Variants in ASB5 observed in about 807,000 individuals in gnomAD.
The protein encoded by ASB5 is ankyrin repeat and SOCS box containing 5.
In ASB5, 45 loss-of-function variants were observed where a neutral mutation model predicts 42.1. The observed-to-expected ratio is 1.07, with a 90% CI of 0.84 to 1.37. The LOEUF (loss-of-function observed/expected upper bound fraction) is 1.37, where lower values mean the gene tolerates loss of function less well. ASB5 is among the 40% of genes most tolerant of loss of function. The pLI is 0.00. For synonymous variants in ASB5, 147 were observed against 150.6 expected, an observed-to-expected ratio of 0.98 and a Z score of 0.18; for missense variants, 402 against 399.8, an observed-to-expected ratio of 1.01 and a Z score of -0.05.
intron 1 of ASB5, among the ~76,000 whole-genome samples, chr4:176,254,526 A>C (rs1208252152): frequency 8.3e-6 from 1 of 121,180 alleles, no homozygotes; most frequent in Non-Finnish European, 1.9e-5. Flanking sequence ...CTAAGCCCTC[A>C]AAAGCAATTG....
upstream of ASB5, among the ~76,000 whole-genome samples, chr4:176,270,459 T>C (rs1754447747): frequency 6.6e-6 from 1 of 152,000 alleles, no homozygotes; most frequent in Non-Finnish European, 1.5e-5. Flanking sequence ...ACAGGAGAAA[T>C]GGCTGTAAAA....
intron 1 of ASB5, among the ~76,000 whole-genome samples, chr4:176,245,061 G>C (rs1488943219): frequency 1.3e-5 from 2 of 152,142 alleles, no homozygotes; most frequent in Non-Finnish European, 2.9e-5. Flanking sequence ...GGAGTTCCCA[G>C]ATAAACTTAA....
At chr4:176,222,456 G>A (rs1400209641) in intron 2 of ASB5, 36 bp from the exon 3 acceptor site, 2 of 1,515,984 alleles carry the variant, frequency 1.3e-6, no homozygotes, top group African/African-American at 1.4e-5. Context: ...TGAGCAAAGA[G>A]TTATATACTT....
chr4:176,236,064 A>G (rs1753677129), intron 1 of ASB5, among the ~76,000 whole-genome samples: 1 of 152,166 alleles, frequency 6.6e-6, no homozygotes, highest in East Asian at 1.9e-4. Context: ...TGTATAGAAA[A>G]TTAGATTTTT....
chr4:176,269,049 T>C lies in ASB5; in HGVS notation c.60A>G (p.Thr20=). 6.2e-7 allele frequency: 1 copy of C among 1,613,384 alleles called. No homozygotes were observed. The highest frequency in any genetic ancestry group is 8.5e-7 in the Non-Finnish European group (1 of 1,179,602). ...GCTTAAAACAGAACAGCGAAAGTAT[T>C]GTAAAGTAGACATTGGATAATTGTT... ...FAQQLSNVYF[T]ILSLFCFKLF... The change falls in exon 1 of 7, where the codon ACA becomes ACG. Residue 20 remains threonine (T), a synonymous_variant. Transcript: ENST00000296525.
At chr4:176,254,586 G>A (rs1754111313) in intron 1 of ASB5, among the ~76,000 whole-genome samples, 1 of 149,608 alleles carries the variant, frequency 6.7e-6, no homozygotes, top group Non-Finnish European at 1.5e-5. Context: ...TTGCACAGCA[G>A]AAGAAACTAT....
rs147176270 is a variant in ASB5, at chr4:176,216,884, G to A, written c.796C>T (p.Leu266Phe). 828 of 1,613,970 alleles carry A rather than the reference G, an allele frequency of 5.1e-4. 11 individuals carry two copies. The South Asian group carries it at 8.0e-3, about 16-fold the overall frequency. Residue 266 changes from leucine (L) to phenylalanine (F), a missense_variant, in exon 6 of 7, where the codon CTT (leucine) becomes TTT (phenylalanine). Transcript: ENST00000296525. ...GTAGCTACATCTATAGGTCGCAGAA[G>A]CTCTGTATTTTTGGCATTGATATCT... ...GADINAKNTE[L>F]LRPIDVATSS...
intron 1 of ASB5, among the ~76,000 whole-genome samples, chr4:176,239,619 T>C (rs1319455296): frequency 2.0e-5 from 3 of 152,232 alleles, no homozygotes; most frequent in Non-Finnish European, 2.9e-5. Flanking sequence ...GTCTAAGTAC[T>C]GGACCTCTTA....
intron 1 of ASB5, among the ~76,000 whole-genome samples, chr4:176,266,718 T>C (rs1224301556): frequency 6.6e-6 from 1 of 152,118 alleles, no homozygotes; most frequent in African/African-American, 2.4e-5. Context: ...AGAGGGGAAA[T>C]TTTTGTTAAA....
At chr4:176,274,927 T>C (rs2126983567) in intron 2 of ASB5, among the ~76,000 whole-genome samples, 1 of 147,672 alleles carries the variant, frequency 6.8e-6, no homozygotes, top group Non-Finnish European at 1.5e-5. Context: ...TTTTTTTTTT[T>C]TTTTTGAGAT....
In ASB5 at chr4:176,268,997, G is replaced by T; in HGVS notation, c.112C>A (p.Leu38Ile). Reference sequence around the variant, plus strand: ...CCTTTCACTATGTAGAAATGACTGAGGATGGCAAGGCTGATTTTCACAAAA... The same window carrying T: ...CCTTTCACTATGTAGAAATGACTGATGATGGCAAGGCTGATTTTCACAAAA... Reference protein sequence around the residue: ...KLFVKISLAILSHFYIVKGNR... With the variant: ...KLFVKISLAIISHFYIVKGNR... The change falls in exon 1 of 7, where the codon CTC becomes ATC. Residue 38 changes from leucine to isoleucine, a missense_variant. Transcript: ENST00000296525. 6.2e-7 allele frequency: 1 copy of T among 1,613,594 alleles called. No individual in the cohort carries two copies. Among genetic ancestry groups the T allele is most frequent in the Non-Finnish European group, 8.5e-7 (1 of 1,179,732 alleles).
chr4:176,219,098 A>AT (rs1753087463), intron 5 of ASB5, among the ~76,000 whole-genome samples: 1 of 43,058 alleles, frequency 2.3e-5, no homozygotes, highest in Admixed American at 3.2e-4. Flanking sequence ...TATGATATAT[A>AT]AATATATATA....
chr4:176,219,593 T>TG lies in ASB5; in HGVS notation c.670+1561_670+1562insC, dbSNP rs1399430345. ...TTTGTATGATATATATATATATATA[T>TG]ATATATATATATATATATATATATA... On this transcript the variant is annotated intron_variant, in intron 5 of 6. Coordinates refer to ENST00000296525, the MANE Select transcript of ASB5 (RefSeq NM_080874.4). 7.6e-3 allele frequency among the ~76,000 whole-genome samples: 298 copies of TG among 39,126 alleles called. 109 individuals carry two copies. The highest frequency in any genetic ancestry group is 0.015 in the Middle Eastern group (1 of 68). 25.7% of individuals were successfully genotyped at this position (39,126 alleles called of 152,430 possible). A position where few individuals can be genotyped will look rare whatever the true frequency, so the allele number is the denominator to read the frequency against.
At chr4:176,257,031 T>C (rs1268567054) in intron 1 of ASB5, among the ~76,000 whole-genome samples, 1 of 152,224 alleles carries the variant, frequency 6.6e-6, no homozygotes, top group Non-Finnish European at 1.5e-5. Flanking sequence ...TTCTTTGTTG[T>C]GAATGTTGAC....
At chr4:176,239,348 A>G (rs907005373) in intron 1 of ASB5, among the ~76,000 whole-genome samples, 1 of 152,194 alleles carries the variant, frequency 6.6e-6, no homozygotes, top group Admixed American at 6.5e-5. Flanking sequence ...TTCTGTAACA[A>G]CAAAAGCTTT....
At chr4:176,249,556 C>T (rs2126968544) in intron 1 of ASB5, 1 of 152,164 alleles carries the variant, frequency 6.6e-6, no homozygotes, top group Admixed American at 6.5e-5. Context: ...TGCTGAATGT[C>T]TGCTCTACCA....
At chr4:176,264,105 T>A (rs1754314284) in intron 1 of ASB5, among the ~76,000 whole-genome samples, 2 of 151,782 alleles carry the variant, frequency 1.3e-5, no homozygotes, top group Non-Finnish European at 1.5e-5. Flanking sequence ...ATCACAAGCA[T>A]AAATATTCTA....
intron 1 of ASB5, among the ~76,000 whole-genome samples, chr4:176,255,357 A>G (rs925439463): frequency 6.6e-6 from 1 of 152,256 alleles, no homozygotes; most frequent in Non-Finnish European, 1.5e-5. Flanking sequence ...TAGCAATCCC[A>G]TTACTGGGTA....
At chr4:176,267,694 T>C (rs1754384936) in intron 1 of ASB5, among the ~76,000 whole-genome samples, 1 of 152,200 alleles carries the variant, frequency 6.6e-6, no homozygotes, top group African/African-American at 2.4e-5. Flanking sequence ...ACAGCCTATT[T>C]ACTTGAGATT....
Sources: allele counts gnomAD v4.1 joint callset (sites outside exome capture counted in the v4.1 genomes callset), GRCh38; gene constraint gnomAD v4.1.1; transcripts MANE v1.5; gene names NCBI Gene and HGNC (gene_info 2026-07-23, HGNC 2026-07-21).